TRIP10: variants seen among roughly 807,000 people sequenced by gnomAD.
The protein encoded by TRIP10 is thyroid hormone receptor interactor 10, also known as cdc42-interacting protein 4.
In TRIP10, 54 loss-of-function variants were observed where a neutral mutation model predicts 80.9. That is an observed-to-expected ratio of 0.67 (90% CI 0.54 to 0.84). TRIP10 has a LOEUF of 0.84. Ranked by LOEUF, TRIP10 falls within the 40% of genes least tolerant of loss-of-function variation. TRIP10 has a pLI of 0.00. For synonymous variants in TRIP10, 321 were observed against 307.2 expected (o/e 1.04, Z -0.47); for missense variants, 773 against 815.3 (o/e 0.95, Z 0.63).
chr19:6,746,562 G>A lies in TRIP10; in HGVS notation c.1262+1G>A. ...AACTTCAGAAGGAGGTTGACCAGAG[G>A]TAAGGTGGTGGGGTAGGGAAGGACA... On this transcript the variant is annotated splice_donor_variant, in intron 11 of 14. Transcript: ENST00000313244. LOFTEE classifies it high-confidence loss of function. This position sits in a 1 kb window ranked among gnomAD's most constrained non-coding sequence, Gnocchi z 6.2. 3.1e-6 allele frequency: 5 copies of A among 1,613,448 alleles called. No homozygotes were observed. Among genetic ancestry groups the A allele is most frequent in the Non-Finnish European group, 4.2e-6 (5 of 1,179,398 alleles).
chr19:6,739,730 G>T lies in TRIP10; in HGVS notation c.-32G>T. 7.3e-7 allele frequency: 1 copy of T among 1,360,924 alleles called. No individual in the cohort carries two copies. 84.3% of individuals were successfully genotyped at this position (1,360,924 alleles called of 1,614,324 possible). ...CGGCGGGCGGCGGGGACCGGGTGCG[G>T]TGGTGGCTGCGGCGGCGGCGGCGGG... On this transcript the variant is annotated 5_prime_UTR_variant, in exon 1 of 15. Coordinates refer to ENST00000313244, the MANE Select transcript of TRIP10 (RefSeq NM_001288962.2).
rs1390993018 is a variant in TRIP10 at position 6,745,297 on chromosome 19, C to T, written c.984+303C>T. ...TGGCCTGAGGGCTGGTGACACCATC[C>T]CTGGGGACTCCCCGAGTTTCTCTCT... On this transcript the variant is annotated intron_variant, in intron 9 of 14. Coordinates refer to ENST00000313244, the MANE Select transcript of TRIP10 (RefSeq NM_001288962.2). This position sits in a 1 kb window ranked among gnomAD's most constrained non-coding sequence, Gnocchi z 7.2. 9.6e-6 allele frequency: 4 copies of T among 416,096 alleles called. No individual in the cohort carries two copies. In the East Asian group the frequency reaches 1.9e-4, roughly 19 times the overall value. The allele number at this position is 416,096 out of a possible 1,614,324, so 25.8% of individuals were successfully genotyped here.
Position 6,746,211 on chromosome 19 carries a change from G to A in TRIP10, c.1152+15G>A, listed in dbSNP as rs546858335. ...GCAGCCGTGGGGTAAGTGAGGCCTC[G>A]GGGCAGGAGGAGGTGGTGGCCCTAG... On this transcript the variant is annotated intron_variant, in intron 10 of 14. Coordinates refer to ENST00000313244, the MANE Select transcript of TRIP10 (RefSeq NM_001288962.2). The surrounding 1 kb of genome is among the most constrained non-coding windows in gnomAD (Gnocchi z 6.2). 188 of 1,512,864 alleles carry A rather than the reference G, an allele frequency of 1.2e-4. No individual in the cohort carries two copies. Among genetic ancestry groups the A allele is most frequent in the South Asian group, 7.4e-4 (59 of 79,856 alleles). The allele number at this position is 1,512,864 out of a possible 1,614,324, so 93.7% of individuals were successfully genotyped here. A position where few individuals can be genotyped will look rare whatever the true frequency, so the allele number is the denominator to read the frequency against.
intron 3 of TRIP10, among the ~76,000 whole-genome samples, chr19:6,742,185 T>C (rs533837176): frequency 1.3e-5 from 2 of 148,954 alleles, no homozygotes; most frequent in Admixed American, 6.7e-5. Context: ...AGGTCAGGAG[T>C]TCGAGAGCAG....
At position 6,745,175 on chromosome 19, in the gene TRIP10, CG is replaced by C. The variant is rs1438832301; in HGVS notation, c.984+182del. 8.4e-6 allele frequency: 7 copies of C among 829,350 alleles called. No individual in the cohort carries two copies. In the East Asian group the frequency reaches 2.0e-4, roughly 24 times the overall value. The allele number at this position is 829,350 out of a possible 1,614,324, so 51.4% of individuals were successfully genotyped here. ...CGATTGGCCTGGGAGTCCCCCGAGG[CG>C]AAGGCGGGGGCAGGGTGGGGAGGTG... On this transcript the variant is annotated intron_variant, in intron 9 of 14. Coordinates refer to ENST00000313244, the MANE Select transcript of TRIP10 (RefSeq NM_001288962.2). This position sits in a 1 kb window ranked among gnomAD's most constrained non-coding sequence, Gnocchi z 7.2.
chr19:6,746,173 C>T lies in TRIP10; in HGVS notation c.1129C>T (p.Arg377Cys), dbSNP rs952831762. 46 of 1,542,650 alleles carry T rather than the reference C, an allele frequency of 3.0e-5. No individual in the cohort carries two copies. The highest frequency in any genetic ancestry group is 3.4e-5 in the Non-Finnish European group (39 of 1,142,550). ...GGTCAAACCGAGGCTAGCATCCTTC[C>T]GCAGCCTTCGAGGCAGCCGTGGGGT... The part of the protein sequence containing the change: ...KSVKPRLASF[R>C]SLRGSRGTVV... Residue 377 changes from arginine (R) to cysteine (C), a missense_variant, in exon 10 of 15, where the codon CGC (arginine) becomes TGC (cysteine). Arg to Cys is a radical substitution (Grantham distance 180). Transcript: ENST00000313244. This position sits in a 1 kb window ranked among gnomAD's most constrained non-coding sequence, Gnocchi z 6.2.
At chr19:6,742,158 C>T (rs1282186736) in intron 3 of TRIP10, among the ~76,000 whole-genome samples, 1 of 150,330 alleles carries the variant, frequency 6.7e-6, no homozygotes, top group African/African-American at 2.5e-5. Context: ...TGGGAGGGTG[C>T]GCAGGTGGAT....
At chr19:6,739,840 C>T in intron 1 of TRIP10, 55 bp downstream of exon 1, 1 of 1,399,556 alleles carries the variant, frequency 7.1e-7, no homozygotes. Flanking sequence ...CAGGCACCCC[C>T]CTTTTGTCCC....
At chr19:6,741,149 C>A (rs769330554) in intron 2 of TRIP10, 24 bp downstream of exon 2, 101 of 1,613,840 alleles carry the variant, frequency 6.3e-5, no homozygotes, top group Non-Finnish European at 7.6e-6. Context: ...GTGGACGCTA[C>A]GGAGGACGCG....
intron 12 of TRIP10, 33 bp downstream of exon 12, chr19:6,750,099 A>G (rs1969237907): frequency 8.9e-7 from 1 of 1,124,790 alleles, no homozygotes; most frequent in African/African-American, 2.3e-5. Context: ...GGCGGGAGCC[A>G]GCGGGCCTGG....
Position 6,749,955 on chromosome 19 carries a change from G to A in TRIP10, c.1284G>A (p.Lys428=). 2 of 1,614,058 alleles carry A rather than the reference G, an allele frequency of 1.2e-6. No individual in the cohort carries two copies. The highest frequency in any genetic ancestry group is 2.2e-5 in the East Asian group (1 of 44,882). Residue 428 remains lysine, a synonymous_variant, in exon 12 of 15, where the codon AAG becomes AAA. Coordinates refer to ENST00000313244, the MANE Select transcript of TRIP10 (RefSeq NM_001288962.2). ...ATAGGGAAGCCCTAAAGAAAATGAA[G>A]GATGTCTATGAGAAGACACCTCAGA... is the stretch of plus-strand genomic sequence containing the variant. ...VDQREALKKM[K]DVYEKTPQMG...
chr19:6,740,801 C>T lies in TRIP10; in HGVS notation c.25-209C>T. ...CCGGCCGGGGTGGCTGGGGCCTGGG[C>T]GCTGTTCTCCGGCCCTTCCCGGGAA... On this transcript the variant is annotated intron_variant, in intron 1 of 14. Coordinates refer to ENST00000313244, the MANE Select transcript of TRIP10 (RefSeq NM_001288962.2). 15 of 561,998 alleles carry T rather than the reference C, an allele frequency of 2.7e-5. 1 individual carries two copies. In the South Asian group the frequency reaches 3.2e-4, roughly 12 times the overall value. The allele number at this position is 561,998 out of a possible 1,614,324, so 34.8% of individuals were successfully genotyped here.
intron 7 of TRIP10, 162 bp downstream of exon 7, chr19:6,743,998 T>C (rs1393615979): frequency 1.0e-6 from 1 of 971,614 alleles, no homozygotes; most frequent in South Asian, 1.6e-5. Context: ...TCAGCTGTTC[T>C]TCCTGCTGGG....
rs933270758 is a variant in TRIP10, at chr19:6,744,191, T to C, written c.642+355T>C. Among the ~76,000 whole-genome samples, 2 of 152,176 alleles carry C rather than the reference T, an allele frequency of 1.3e-5. No individual in the cohort carries two copies. Among genetic ancestry groups the C allele is most frequent in the African/African-American group, 4.8e-5 (2 of 41,448 alleles). ...TCTAAGCTCCACCTCTAACAACCCC[T>C]CTGAAAGGTCTCGAATTTCCCCTCT... On this transcript the variant is annotated intron_variant, in intron 7 of 14. Transcript: ENST00000313244. The surrounding 1 kb of genome is among the most constrained non-coding windows in gnomAD (Gnocchi z 4.9).
chr19:6,743,361 C>A, intron 5 of TRIP10, 105 bp downstream of exon 5: 1 of 1,526,732 alleles, frequency 6.5e-7, no homozygotes, highest in Non-Finnish European at 9.0e-7. Flanking sequence ...GACCTTCCCT[C>A]CCCCATAGGC....
rs762743742 is a variant in TRIP10, at chr19:6,744,575, C to T, written c.664C>T (p.Arg222Cys). 1.5e-5 allele frequency: 24 copies of T among 1,614,060 alleles called. No individual in the cohort carries two copies. The highest frequency in any genetic ancestry group is 1.6e-4 in the Middle Eastern group (1 of 6,084). Residue 222 changes from arginine to cysteine, a missense_variant, in exon 8 of 15, where the codon CGC (arginine) becomes TGC (cysteine). Transcript: ENST00000313244. This position sits in a 1 kb window ranked among gnomAD's most constrained non-coding sequence, Gnocchi z 4.9. ...IFDKLQDMDE[R>C]RATRLGAGYG... ...ACAGAAGCTCCAAGACATGGATGAA[C>T]GCAGGGCCACCCGCCTGGGTGCCGG...
intron 3 of TRIP10, among the ~76,000 whole-genome samples, chr19:6,741,512 CTG>C (rs1968917493): frequency 6.6e-6 from 1 of 152,200 alleles, no homozygotes; most frequent in East Asian, 1.9e-4. Context: ...TTTTCCTTAA[CTG>C]TTAAATACAG....
rs781724215 is a variant in TRIP10, at chr19:6,743,780, C to T, written c.586C>T (p.Arg196Cys). The T allele has an allele frequency of 4.3e-6, 7 of 1,614,076 alleles. No homozygotes were observed. Among genetic ancestry groups the T allele is most frequent in the South Asian group, 3.3e-5 (3 of 91,068 alleles). The change falls in exon 7 of 15, where the codon CGC becomes TGC. Residue 196 changes from arginine to cysteine, a missense_variant. Physicochemically the swap from Arg to Cys is radical, Grantham distance 180 (BLOSUM62 -3). Transcript: ENST00000313244. ...AAACGAATATGCGGCTCAACTGCAGCGCTTCAACCGAGACCAAGCCCACTT... is the reference window on the plus strand; with the variant it reads ...AAACGAATATGCGGCTCAACTGCAGTGCTTCAACCGAGACCAAGCCCACTT... ...SKNEYAAQLQRFNRDQAHFYF... is the reference protein window; with the variant it reads ...SKNEYAAQLQCFNRDQAHFYF...
At chr19:6,741,606 G>A (rs1568249169) in intron 3 of TRIP10, among the ~76,000 whole-genome samples, 1 of 152,132 alleles carries the variant, frequency 6.6e-6, no homozygotes, top group African/African-American at 2.4e-5. Context: ...CTGTGAAATG[G>A]AATGATGACG....
Sources: allele counts gnomAD v4.1 joint callset (sites outside exome capture counted in the v4.1 genomes callset), GRCh38; gene constraint gnomAD v4.1.1; non-coding constraint Gnocchi (gnomAD v3.1); transcripts MANE v1.5; gene names NCBI Gene and HGNC (gene_info 2026-07-23, HGNC 2026-07-21).